The following ATP11A variants were observed in gnomAD, a reference collection of about 807,000 sequenced individuals.
ATP11A encodes the protein phospholipid-transporting ATPase IH.
ATP11A carries 81 observed loss-of-function variants against 154.4 expected under a neutral mutation model. The observed-to-expected ratio is 0.52, with a 90% CI of 0.44 to 0.63. The LOEUF (loss-of-function observed/expected upper bound fraction) is 0.63. Ranked by LOEUF, ATP11A falls within the 30% of genes least tolerant of loss-of-function variation. The probability of loss-of-function intolerance (pLI) is 0.00; values close to 1 mark genes in which losing one functional copy is unlikely to be tolerated. For missense variants in ATP11A, 1,316 were observed against 1,474.3 expected, an observed-to-expected ratio of 0.89 and a Z score of 1.76; for synonymous variants, 623 against 585.9, an observed-to-expected ratio of 1.06 and a Z score of -0.91.
chr13:112,739,715 C>G (rs546469958), intron 1 of ATP11A, among the ~76,000 whole-genome samples: 1 of 152,156 alleles, frequency 6.6e-6, no homozygotes, highest in Non-Finnish European at 1.5e-5. Context: ...AGCCAAAGAG[C>G]GGAAGCATCT....
chr13:112,850,765 G>T (rs928307330), intron 17 of ATP11A, among the ~76,000 whole-genome samples: 1 of 152,118 alleles, frequency 6.6e-6, no homozygotes, highest in Admixed American at 6.5e-5. Context: ...TTATTTCCAG[G>T]CTTTCTAGTC....
intron 28 of ATP11A, among the ~76,000 whole-genome samples, 185 bp from the exon 29 acceptor site, chr13:112,878,032 G>A (rs138789522): frequency 1.3e-5 from 2 of 152,354 alleles, no homozygotes; most frequent in Non-Finnish European, 2.9e-5. Context: ...TCACGGTGGG[G>A]GGCACCAGTG....
rs754292460 is a variant in ATP11A, at chr13:112,855,969, A to T, written c.2302A>T (p.Ile768Leu). ...LIIDGAALSL[I>L]MKPREDGSSG... ...TATCGACGGAGCTGCACTGTCTCTG[A>T]TAATGAAGCCTCGAGAAGACGGGAG... Residue 768 changes from isoleucine (I) to leucine (L), a missense_variant, in exon 20 of 30, where the codon ATA (isoleucine) becomes TTA (leucine). This residue lies in a region of ATP11A where 876 missense variants were observed against 1,006.8 expected (regional missense o/e 0.87). Transcript: ENST00000375645. 4 of 1,614,224 alleles carry T rather than the reference A, an allele frequency of 2.5e-6. No individual in the cohort carries two copies. The highest frequency in any genetic ancestry group is 2.2e-5 in the South Asian group (2 of 91,082).
chr13:112,787,485 C>G (rs1354190343), intron 2 of ATP11A, among the ~76,000 whole-genome samples: 2 of 108,298 alleles, frequency 1.8e-5, no homozygotes, highest in African/African-American at 1.1e-4. Context: ...CTACTTAATT[C>G]ACACCGGGTG....
In ATP11A at chr13:112,696,257, G is replaced by A. The variant is rs1885787906; in HGVS notation, c.39+5802G>A. 6.6e-6 allele frequency among the ~76,000 whole-genome samples: 1 copy of A among 152,240 alleles called. No homozygotes were observed. Among genetic ancestry groups the A allele is most frequent in the Non-Finnish European group, 1.5e-5 (1 of 68,034 alleles). On this transcript the variant is annotated intron_variant, in intron 1 of 29. Transcript: ENST00000375645. This position sits in a 1 kb window ranked among gnomAD's most constrained non-coding sequence, Gnocchi z 6.2. The stretch of plus-strand genomic sequence containing the variant: ...GACCTGCGGCTGCATCACCGTCCAT[G>A]CTTCTGGGCTTCTTAAGGAGACCGC...
chr13:112,792,277 C>T (rs879453813), intron 2 of ATP11A, among the ~76,000 whole-genome samples: 3 of 152,186 alleles, frequency 2.0e-5, no homozygotes, highest in South Asian at 4.2e-4. Flanking sequence ...ATTCTCGAGC[C>T]TGGAATTGAT....
intron 1 of ATP11A, among the ~76,000 whole-genome samples, chr13:112,701,815 A>C (rs1886576113): frequency 6.6e-6 from 1 of 152,180 alleles, no homozygotes; most frequent in Non-Finnish European, 1.5e-5. Flanking sequence ...CCTGGGCGAC[A>C]GAGCAGGCTG....
chr13:112,711,008 T>G (rs1887680282), intron 1 of ATP11A, among the ~76,000 whole-genome samples: 1 of 117,872 alleles, frequency 8.5e-6, no homozygotes, highest in African/African-American at 3.0e-5. Flanking sequence ...AGGGACTCGG[T>G]TCTCAAAGTG....
chr13:112,779,954 G>GCTT (rs2077458479), intron 1 of ATP11A, among the ~76,000 whole-genome samples: 1 of 151,772 alleles, frequency 6.6e-6, no homozygotes, highest in African/African-American at 2.4e-5. Context: ...AGGTAGTAAA[G>GCTT]AAAATCACTT....
intron 1 of ATP11A, among the ~76,000 whole-genome samples, chr13:112,759,204 G>A (rs2076911519): frequency 6.6e-6 from 1 of 152,170 alleles, no homozygotes; most frequent in South Asian, 2.1e-4. Context: ...AGGCGGCTGG[G>A]GGAGCTCTGG....
At position 112,878,118 on chromosome 13, in the gene ATP11A, T is replaced by C. The variant is rs1362679794; in HGVS notation, c.3328-99T>C. 2.7e-6 allele frequency: 3 copies of C among 1,131,912 alleles called. No homozygotes were observed. In the African/African-American group the frequency reaches 4.6e-5, roughly 17 times the overall value. The allele number at this position is 1,131,912 out of a possible 1,614,324, so 70.1% of individuals were successfully genotyped here. A position where few individuals can be genotyped will look rare whatever the true frequency, so the allele number is the denominator to read the frequency against. On this transcript the variant is annotated intron_variant, in intron 28 of 29. Coordinates refer to ENST00000375645, the MANE Select transcript of ATP11A (RefSeq NM_015205.3). ...AACTCAGCTCTGTCTCTTGTTTCTC[T>C]TTCCTTCCCATTTCCTTCCGTCTTC...
At chr13:112,841,957 C>A (rs1444456994) in intron 16 of ATP11A, among the ~76,000 whole-genome samples, 2 of 152,256 alleles carry the variant, frequency 1.3e-5, no homozygotes, top group Non-Finnish European at 2.9e-5. Flanking sequence ...TTTGGGTCAC[C>A]CCAACGCCCG....
At chr13:112,745,572 G>A (rs1436909861) in intron 1 of ATP11A, 1 of 152,126 alleles carries the variant, frequency 6.6e-6, no homozygotes, top group Non-Finnish European at 1.5e-5. Flanking sequence ...CCCCTAATCA[G>A]AGACAGTTTC....
chr13:112,849,146 A>G (rs1037651072), intron 17 of ATP11A, among the ~76,000 whole-genome samples: 2 of 152,068 alleles, frequency 1.3e-5, no homozygotes, highest in Non-Finnish European at 2.9e-5. Flanking sequence ...TATTGCATTG[A>G]CTTTCATATG....
At chr13:112,720,813 C>T (rs1428469416) in intron 1 of ATP11A, among the ~76,000 whole-genome samples, 1 of 152,174 alleles carries the variant, frequency 6.6e-6, no homozygotes, top group Non-Finnish European at 1.5e-5. Context: ...GCCTTGGCCT[C>T]TCAAAGTGCT....
intron 25 of ATP11A, among the ~76,000 whole-genome samples, chr13:112,865,452 A>G (rs1319430907): frequency 2.1e-4 from 32 of 152,194 alleles, no homozygotes; most frequent in Non-Finnish European, 4.1e-4. Flanking sequence ...AGCGGGGTCC[A>G]TCACCACATG....
In ATP11A at chr13:112,836,228, G is replaced by A. The variant is rs765091248; in HGVS notation, c.1682G>A (p.Ser561Asn). Residue 561 changes from serine to asparagine, a missense_variant, in exon 16 of 30, where the codon AGT becomes AAT. Coordinates refer to ENST00000375645, the MANE Select transcript of ATP11A (RefSeq NM_015205.3). The stretch of plus-strand genomic sequence containing the variant: ...TTTGACTCAGTCAGAAGGAGAATGA[G>A]TGTAATTGTAAAATCTGCTACAGGT... ...LSFDSVRRRM[S>N]VIVKSATGEI... is the part of the protein sequence containing the mutation. 5 of 1,611,230 alleles carry A rather than the reference G, an allele frequency of 3.1e-6. No homozygotes were observed. Among genetic ancestry groups the A allele is most frequent in the Non-Finnish European group, 4.2e-6 (5 of 1,178,228 alleles).
At chr13:112,741,549 G>A (rs1891545906) in intron 1 of ATP11A, among the ~76,000 whole-genome samples, 2 of 152,186 alleles carry the variant, frequency 1.3e-5, no homozygotes, top group Admixed American at 6.5e-5. Context: ...CATCAGCGGT[G>A]GAGGGTGGAG....
chr13:112,855,837 C>A (rs1258648180), intron 19 of ATP11A, 74 bp from the exon 20 acceptor site: 1 of 1,402,208 alleles, frequency 7.1e-7, no homozygotes, highest in East Asian at 2.4e-5. Context: ...TGTCGATATC[C>A]AAAAACAATA....
Sources: gnomAD v4.1 joint callset for allele counts (sites outside exome capture counted in the v4.1 genomes callset) on GRCh38, gnomAD v4.1.1 for gene constraint, gnomAD v4.1.1 regional missense constraint, Gnocchi (gnomAD v3.1) non-coding constraint, MANE v1.5 for transcripts, NCBI Gene and HGNC (gene_info 2026-07-23, HGNC 2026-07-21) for gene names.